The following KCNMA1 variants were observed in gnomAD, a reference collection of about 807,000 sequenced individuals.
KCNMA1 encodes Calcium-activated potassium channel subunit alpha-1.
KCNMA1 carries 29 observed loss-of-function variants against 140.0 expected under a neutral mutation model. The ratio of observed to expected loss-of-function variants is 0.21; its 90% CI spans 0.15 to 0.28. The LOEUF (loss-of-function observed/expected upper bound fraction) is 0.28. Among genes scored for constraint, KCNMA1 ranks in the 10% least tolerant of loss-of-function variants. The pLI, the probability that KCNMA1 is intolerant of heterozygous loss-of-function variation, is 1.00. For synonymous variants in KCNMA1, 612 were observed against 611.9 expected, an observed-to-expected ratio of 1.00 and a Z score of 0.00; for missense variants, 880 against 1,602.2, an observed-to-expected ratio of 0.55 and a Z score of 7.70.
At chr10:77,296,913 G>GT (rs1019938724) in intron 2 of KCNMA1, among the ~76,000 whole-genome samples, 6 of 146,518 alleles carry the variant, frequency 4.1e-5, no homozygotes, top group Non-Finnish European at 9.2e-5. Context: ...GTGTGTGGGC[G>GT]GGGGGGCGGT....
At chr10:77,382,588 G>A (rs890378578) in intron 2 of KCNMA1, among the ~76,000 whole-genome samples, 1 of 152,014 alleles carries the variant, frequency 6.6e-6, no homozygotes, top group African/African-American at 2.4e-5. Flanking sequence ...AGTGGGGCCG[G>A]GCATGGTGGC....
chr10:77,396,987 T>C (rs1047663650), intron 2 of KCNMA1, among the ~76,000 whole-genome samples: 2 of 152,194 alleles, frequency 1.3e-5, no homozygotes, highest in African/African-American at 4.8e-5. Context: ...AGGTAAAGTC[T>C]AGGCAGTGTA....
intron 2 of KCNMA1, among the ~76,000 whole-genome samples, chr10:77,313,652 A>G (rs1051913824): frequency 1.3e-5 from 2 of 152,140 alleles, no homozygotes; most frequent in African/African-American, 4.8e-5. Flanking sequence ...CCCTGTAACC[A>G]AGAGCTCTTT....
intron 1 of KCNMA1, among the ~76,000 whole-genome samples, chr10:77,461,530 G>A (rs1252052438): frequency 1.3e-5 from 2 of 152,254 alleles, no homozygotes; most frequent in East Asian, 3.9e-4. Flanking sequence ...GTACAGTCTT[G>A]GGCTTAAGGA....
chr10:76,921,482 G>A (rs1195535045), intron 23 of KCNMA1, among the ~76,000 whole-genome samples: 1 of 152,158 alleles, frequency 6.6e-6, no homozygotes, highest in East Asian at 1.9e-4. Context: ...ATTGGCAACT[G>A]CTGAAACATA....
At position 77,310,631 on chromosome 10, in the gene KCNMA1, G is replaced by A. The variant is rs147091901; in HGVS notation, c.541-59375C>T. On this transcript the variant is annotated intron_variant, in intron 2 of 27. Transcript: ENST00000286628. The stretch of plus-strand genomic sequence containing the variant: ...AGCTGCCTCTGAGCAGCCTTGGCCC[G>A]CAGACAGACGAGCTTTGGAGGAAAT... Among the ~76,000 whole-genome samples, 304 of 152,314 alleles carry A rather than the reference G, an allele frequency of 2.0e-3. 2 individuals are homozygous for A. Among genetic ancestry groups the A allele is most frequent in the African/African-American group, 6.3e-3 (263 of 41,578 alleles).
intron 19 of KCNMA1, among the ~76,000 whole-genome samples, chr10:76,994,466 C>T (rs1404578872): frequency 1.3e-5 from 2 of 152,196 alleles, no homozygotes; most frequent in Non-Finnish European, 2.9e-5. Context: ...TCCAAGTTAA[C>T]CAACTAGCCA....
intron 19 of KCNMA1, among the ~76,000 whole-genome samples, chr10:76,991,781 T>C (rs2082846552): frequency 6.6e-6 from 1 of 152,304 alleles, no homozygotes; most frequent in Non-Finnish European, 1.5e-5. Context: ...CCCTGGGTCC[T>C]TTCTTGACTG....
At chr10:76,973,494 T>A (rs1487286477) in intron 19 of KCNMA1, among the ~76,000 whole-genome samples, 1 of 152,208 alleles carries the variant, frequency 6.6e-6, no homozygotes, top group African/African-American at 2.4e-5. Flanking sequence ...AGAGTTTAAT[T>A]TAAAGTTACA....
chr10:77,453,421 A>AAGAAGT (rs1313994598), intron 1 of KCNMA1, among the ~76,000 whole-genome samples: 4 of 152,184 alleles, frequency 2.6e-5, no homozygotes, highest in African/African-American at 9.7e-5. Flanking sequence ...AGATTCTCCA[A>AAGAAGT]AGAAGTAGCA....
chr10:77,237,856 G>A (rs1415601796), intron 3 of KCNMA1, among the ~76,000 whole-genome samples: 1 of 152,136 alleles, frequency 6.6e-6, no homozygotes, highest in Non-Finnish European at 1.5e-5. Flanking sequence ...GAGGGAGTTG[G>A]CAATGTTTCC....
At chr10:76,998,715 C>T (rs1169392499) in intron 19 of KCNMA1, among the ~76,000 whole-genome samples, 1 of 152,162 alleles carries the variant, frequency 6.6e-6, no homozygotes. Context: ...CTTGAGTCAA[C>T]TTGCTCTGTC....
chr10:77,348,080 A>T (rs1478762426), intron 2 of KCNMA1, among the ~76,000 whole-genome samples: 1 of 152,234 alleles, frequency 6.6e-6, no homozygotes, highest in Non-Finnish European at 1.5e-5. Context: ...TGTGCCCCAT[A>T]GAAACAAGCA....
intron 1 of KCNMA1, among the ~76,000 whole-genome samples, chr10:77,503,156 T>G (rs146721807): frequency 6.6e-6 from 1 of 152,254 alleles, no homozygotes; most frequent in East Asian, 1.9e-4. Context: ...AGGTAAGAGC[T>G]TTTTGGGTTA....
rs559436291 is a variant in KCNMA1, at chr10:77,359,948, G to A, written c.540+43914C>T. Among the ~76,000 whole-genome samples, 4 of 152,242 alleles carry A rather than the reference G, an allele frequency of 2.6e-5. No homozygotes were observed. The East Asian group carries it at 7.7e-4, about 29-fold the overall frequency. ...GCCAAGGCAGAAAATGGGGGTGAGA[G>A]GCAAAGATGTATAAAAAAAGAACTA... On this transcript the variant is annotated intron_variant, in intron 2 of 27. Transcript: ENST00000286628.
chr10:77,034,471 C>A (rs12240507), intron 15 of KCNMA1, among the ~76,000 whole-genome samples: 7 of 152,078 alleles, frequency 4.6e-5, no homozygotes, highest in Non-Finnish European at 1.0e-4. Context: ...TTTCGCCGGG[C>A]GGTCTTAAAT....
In KCNMA1 at chr10:77,186,376, A is replaced by G. The variant is rs569531652; in HGVS notation, c.603-1460T>C. 2.9e-4 allele frequency among the ~76,000 whole-genome samples: 41 copies of G among 139,704 alleles called. No homozygotes were observed. The East Asian group carries it at 7.4e-3, about 25-fold the overall frequency. The allele number at this position is 139,704 out of a possible 152,430, so 91.7% of individuals were successfully genotyped here. A position where few individuals can be genotyped will look rare whatever the true frequency, so the allele number is the denominator to read the frequency against. Reference sequence around the variant, plus strand: ...AAAAACAGTTCAAAAAAAAACAAAAAACAAAAAAAAACGACAATTGCCAGG... The same window carrying G: ...AAAAACAGTTCAAAAAAAAACAAAAGACAAAAAAAAACGACAATTGCCAGG... On this transcript the variant is annotated intron_variant, in intron 3 of 27. Coordinates refer to ENST00000286628, the MANE Select transcript of KCNMA1 (RefSeq NM_001161352.2).
intron 2 of KCNMA1, among the ~76,000 whole-genome samples, chr10:77,371,954 T>C (rs1435108442): frequency 6.6e-6 from 1 of 152,248 alleles, no homozygotes; most frequent in Non-Finnish European, 1.5e-5. Context: ...CCTTAAAGCA[T>C]GGAGTCAACA....
At chr10:77,249,855 G>C (rs987855403) in intron 3 of KCNMA1, 1 of 152,176 alleles carries the variant, frequency 6.6e-6, no homozygotes, top group East Asian at 1.9e-4. Context: ...CGGGAGAGCT[G>C]ATGGAGGGAG....
Sources: allele counts gnomAD v4.1 joint callset (sites outside exome capture counted in the v4.1 genomes callset), GRCh38; gene constraint gnomAD v4.1.1; transcripts MANE v1.5; gene names NCBI Gene and HGNC (gene_info 2026-07-23, HGNC 2026-07-21).